The following TRAPPC9 variants were observed in gnomAD, a reference collection of about 807,000 sequenced individuals.
TRAPPC9 encodes trafficking protein particle complex subunit 9.
A neutral mutation model predicts 124.0 loss-of-function variants in TRAPPC9; 83 were observed. The ratio of observed to expected loss-of-function variants is 0.67; its 90% CI spans 0.56 to 0.80. The LOEUF is 0.80. Ranked by LOEUF, TRAPPC9 falls within the 30% of genes least tolerant of loss-of-function variation. The pLI is 0.00. For synonymous variants in TRAPPC9, 638 were observed against 617.5 expected (o/e 1.03, Z -0.49); for missense variants, 1,302 against 1,508.3 (o/e 0.86, Z 2.27).
At chr8:140,443,751 AT>A in intron 2 of TRAPPC9, among the ~76,000 whole-genome samples, 1 of 151,960 alleles carries the variant, frequency 6.6e-6, no homozygotes, top group Non-Finnish European at 1.5e-5. Flanking sequence ...AAATACTAAA[AT>A]TAGGCCGGGC....
intron 17 of TRAPPC9, among the ~76,000 whole-genome samples, chr8:140,114,133 C>T (rs61342069): frequency 1.2e-3 from 189 of 152,212 alleles, no homozygotes; most frequent in African/African-American, 4.2e-3. Context: ...CCTCACAAAA[C>T]TCACTCTGCT....
chr8:140,380,554 C>T (rs1387986008), intron 7 of TRAPPC9, among the ~76,000 whole-genome samples: 2 of 147,776 alleles, frequency 1.4e-5, no homozygotes, highest in African/African-American at 5.0e-5. Flanking sequence ...ACTCAGGAGA[C>T]TGAGGCAGGA....
intron 9 of TRAPPC9, among the ~76,000 whole-genome samples, chr8:140,347,934 T>C (rs2067400691): frequency 6.6e-6 from 1 of 152,248 alleles, no homozygotes; most frequent in African/African-American, 2.4e-5. Context: ...CAATGTTCAA[T>C]GGGTGTCTTT....
At chr8:140,169,498 G>A (rs1290503388) in intron 17 of TRAPPC9, among the ~76,000 whole-genome samples, 2 of 152,128 alleles carry the variant, frequency 1.3e-5, no homozygotes, top group Non-Finnish European at 2.9e-5. Flanking sequence ...ACAGTAACCC[G>A]AAGGTGGAAA....
intron 21 of TRAPPC9, among the ~76,000 whole-genome samples, chr8:139,763,746 G>A (rs11993531): frequency 0.032 from 4,881 of 152,310 alleles, 247 homozygotes; most frequent in African/African-American, 0.11. Context: ...AGGCTGCCAC[G>A]TGGGTCAGGG....
chr8:140,410,140 CCAAAAAAAAA>C (rs1386819831), intron 5 of TRAPPC9, among the ~76,000 whole-genome samples: 1 of 45,710 alleles, frequency 2.2e-5, no homozygotes, highest in Non-Finnish European at 4.3e-5. Flanking sequence ...GACCTTGTCT[CCAAAAAAAAA>C]AAAAAAAAAA....
At position 139,776,431 on chromosome 8, in the gene TRAPPC9, G is replaced by T. The variant is rs1038165673; in HGVS notation, c.3056-44229C>A. Among the ~76,000 whole-genome samples, 1 of 152,252 alleles carries T rather than the reference G, an allele frequency of 6.6e-6. No individual in the cohort carries two copies. The highest frequency in any genetic ancestry group is 2.4e-5 in the African/African-American group (1 of 41,460). ...TTGGGAAGGATGGGGTGGCACCAGGGTGAAGACACATGCTCATCACCCAGG... is the reference window on the plus strand; with the variant it reads ...TTGGGAAGGATGGGGTGGCACCAGGTTGAAGACACATGCTCATCACCCAGG... On this transcript the variant is annotated intron_variant, in intron 21 of 22. Coordinates refer to ENST00000438773, the MANE Select transcript of TRAPPC9 (RefSeq NM_001160372.4). This position sits in a 1 kb window ranked among gnomAD's most constrained non-coding sequence, Gnocchi z 4.1.
At chr8:139,878,274 T>C (rs1481753025) in intron 21 of TRAPPC9, among the ~76,000 whole-genome samples, 3 of 152,220 alleles carry the variant, frequency 2.0e-5, no homozygotes, top group Admixed American at 2.0e-4. Flanking sequence ...GAAGTATAAA[T>C]ACAGTAGGAT....
chr8:139,949,246 T>G (rs1834476381), intron 19 of TRAPPC9, among the ~76,000 whole-genome samples: 3 of 152,082 alleles, frequency 2.0e-5, no homozygotes, highest in Admixed American at 6.5e-5. Context: ...TATGAATAAT[T>G]TTTTGCCAAT....
intron 21 of TRAPPC9, among the ~76,000 whole-genome samples, chr8:139,737,945 T>A (rs1484816215): frequency 2.6e-5 from 4 of 152,082 alleles, no homozygotes; most frequent in African/African-American, 9.7e-5. Context: ...CCAGGGCCCT[T>A]CCTCTCCCGC....
chr8:140,405,848 C>T, intron 5 of TRAPPC9, 150 bp from the exon 6 acceptor site: 1 of 844,860 alleles, frequency 1.2e-6, no homozygotes, highest in Middle Eastern at 2.8e-4. Flanking sequence ...TATATGCTTC[C>T]TATAATAGCC....
At chr8:140,359,351 G>A (rs1342568036) in intron 9 of TRAPPC9, among the ~76,000 whole-genome samples, 1 of 152,120 alleles carries the variant, frequency 6.6e-6, no homozygotes, top group Non-Finnish European at 1.5e-5. Context: ...GCAGGTTTGG[G>A]GCAGCTGAGC....
chr8:140,266,744 C>CA (rs369534166), intron 15 of TRAPPC9, among the ~76,000 whole-genome samples: 9,881 of 151,932 alleles, frequency 0.065, 380 homozygotes, highest in African/African-American at 0.1. Flanking sequence ...CCTGTAGTCC[C>CA]AGCTACTCGG....
chr8:140,450,202 G>C (rs1384286405), intron 2 of TRAPPC9, among the ~76,000 whole-genome samples: 1 of 152,006 alleles, frequency 6.6e-6, no homozygotes, highest in African/African-American at 2.4e-5. Flanking sequence ...CTCTATTAAA[G>C]ATACAAAACT....
At chr8:139,890,930 G>C (rs982822065) in intron 20 of TRAPPC9, among the ~76,000 whole-genome samples, 1 of 149,182 alleles carries the variant, frequency 6.7e-6, no homozygotes, top group Non-Finnish European at 1.5e-5. Context: ...TCTCAAGAAG[G>C]GACCGCTGTT....
chr8:140,335,330 C>T (rs1299694123), intron 9 of TRAPPC9, among the ~76,000 whole-genome samples: 1 of 152,026 alleles, frequency 6.6e-6, no homozygotes, highest in Non-Finnish European at 1.5e-5. Context: ...GTCATGACCA[C>T]GATGGGAAGA....
chr8:139,897,496 C>T (rs999493897), intron 20 of TRAPPC9, among the ~76,000 whole-genome samples: 1 of 152,204 alleles, frequency 6.6e-6, no homozygotes, highest in African/African-American at 2.4e-5. Context: ...GTTCCAAGCC[C>T]TGGGAGAGGA....
At chr8:139,741,774 C>G (rs1818576497) in intron 21 of TRAPPC9, among the ~76,000 whole-genome samples, 2 of 152,122 alleles carry the variant, frequency 1.3e-5, no homozygotes, top group African/African-American at 4.8e-5. Flanking sequence ...AAGCGGAGGG[C>G]AGTGAGCTCC....
rs549813270 is a variant in TRAPPC9 at position 139,974,775 on chromosome 8, C to T, written c.2810+13951G>A. On this transcript the variant is annotated intron_variant, in intron 19 of 22. Transcript: ENST00000438773. ...CAGGGCTCCATTTTACAGACGTGGA[C>T]GCGAGGCTCACAGAAGACCAGCTCA... 6.6e-5 allele frequency among the ~76,000 whole-genome samples: 10 copies of T among 152,150 alleles called. No homozygotes were observed. In the East Asian group the frequency reaches 7.8e-4, roughly 12 times the overall value.
Sources: gnomAD v4.1 joint callset for allele counts (sites outside exome capture counted in the v4.1 genomes callset) on GRCh38, gnomAD v4.1.1 for gene constraint, Gnocchi (gnomAD v3.1) non-coding constraint, MANE v1.5 for transcripts, NCBI Gene and HGNC (gene_info 2026-07-23, HGNC 2026-07-21) for gene names.